Variants in EFCAB13 observed in about 807,000 individuals in gnomAD.
The protein encoded by EFCAB13 is EF-hand calcium binding domain 13.
Under a neutral mutation model 110.2 loss-of-function variants are expected in EFCAB13, and 91 were observed. That is an observed-to-expected ratio of 0.83 (90% CI 0.70 to 0.98). The LOEUF is 0.98. EFCAB13 is among the 50% of genes least tolerant of loss of function. The pLI is 0.00. For missense variants in EFCAB13, 968 were observed against 1,119.4 expected (o/e 0.86, Z 1.93); for synonymous variants, 323 against 369.9 (o/e 0.87, Z 1.45).
At chr17:47,382,821 C>G (rs918500958) in intron 14 of EFCAB13, among the ~76,000 whole-genome samples, 1 of 152,016 alleles carries the variant, frequency 6.6e-6, no homozygotes, top group African/African-American at 2.4e-5. Context: ...GCGGAGTCCC[C>G]CCTTTTCTGT....
At chr17:47,383,243 T>C (rs2065656799) in intron 14 of EFCAB13, among the ~76,000 whole-genome samples, 1 of 152,214 alleles carries the variant, frequency 6.6e-6, no homozygotes, top group Non-Finnish European at 1.5e-5. Context: ...TCCAGATTCA[T>C]TGATTTTTTG....
rs189930308 is a variant in EFCAB13, at chr17:47,396,014, A to G, written c.1945+37A>G. 17 of 1,531,030 alleles carry G rather than the reference A, an allele frequency of 1.1e-5. No individual in the cohort carries two copies. In the Admixed American group the frequency reaches 2.2e-4, roughly 20 times the overall value. 94.8% of individuals were successfully genotyped at this position (1,531,030 alleles called of 1,614,324 possible). On this transcript the variant is annotated intron_variant, in intron 17 of 24. Transcript: ENST00000331493. ...AAATACTAAAATTAAAAAGTATACCAAGATATTACTTTATTTTCTGTCAAC... is the reference window on the plus strand; with the variant it reads ...AAATACTAAAATTAAAAAGTATACCGAGATATTACTTTATTTTCTGTCAAC...
chr17:47,418,836 C>T (rs868213570), intron 23 of EFCAB13, among the ~76,000 whole-genome samples: 1 of 152,038 alleles, frequency 6.6e-6, no homozygotes, highest in Non-Finnish European at 1.5e-5. Flanking sequence ...TTTTGGTACC[C>T]TTAGAGAAAA....
chr17:47,400,818 A>C (rs1420230267), intron 17 of EFCAB13, among the ~76,000 whole-genome samples: 1 of 152,182 alleles, frequency 6.6e-6, no homozygotes, highest in Non-Finnish European at 1.5e-5. Flanking sequence ...CCCGTTGCCT[A>C]CTTTAAGCTG....
chr17:47,344,471 G>A (rs1375406329), intron 7 of EFCAB13, among the ~76,000 whole-genome samples, 179 bp downstream of exon 7: 3 of 152,094 alleles, frequency 2.0e-5, no homozygotes, highest in African/African-American at 4.8e-5. Context: ...ATTTGAGTCC[G>A]ATTGACCTAA....
chr17:47,334,161 G>A (rs1236250659), intron 4 of EFCAB13, among the ~76,000 whole-genome samples: 3 of 151,660 alleles, frequency 2.0e-5, no homozygotes. Context: ...ATTCTAACAG[G>A]TATGTAATGA....
chr17:47,344,437 T>A lies in EFCAB13; in HGVS notation c.434+145T>A, dbSNP rs913473148. 1.7e-5 allele frequency: 18 copies of A among 1,041,544 alleles called. No individual in the cohort carries two copies. In the African/African-American group the frequency reaches 2.8e-4, roughly 16 times the overall value. The allele number at this position is 1,041,544 out of a possible 1,614,324, so 64.5% of individuals were successfully genotyped here. ...TAGGATTGTGTAGAGATAAGAGCACTGTATATGGAATTGGAAGACTTAGAT... is the reference window on the plus strand; with the variant it reads ...TAGGATTGTGTAGAGATAAGAGCACAGTATATGGAATTGGAAGACTTAGAT... On this transcript the variant is annotated intron_variant, in intron 7 of 24. Coordinates refer to ENST00000331493, the MANE Select transcript of EFCAB13 (RefSeq NM_152347.5).
intron 4 of EFCAB13, chr17:47,329,041 A>G (rs918600768): frequency 2.0e-4 from 31 of 152,222 alleles, no homozygotes; most frequent in Admixed American, 1.2e-3. Context: ...AGAACCAGGT[A>G]TGGGGAAATT....
chr17:47,432,545 G>A (rs1009820229), intron 24 of EFCAB13, among the ~76,000 whole-genome samples: 3 of 151,992 alleles, frequency 2.0e-5, no homozygotes, highest in Non-Finnish European at 4.4e-5. Flanking sequence ...AGCTGTATTC[G>A]TACCACTTCA....
At chr17:47,433,626 C>T (rs1905159741) in intron 24 of EFCAB13, among the ~76,000 whole-genome samples, 1 of 152,146 alleles carries the variant, frequency 6.6e-6, no homozygotes, top group Non-Finnish European at 1.5e-5. Flanking sequence ...GCAATTATTA[C>T]TGTGTTGTTC....
rs112788441 is a variant in EFCAB13, at chr17:47,369,163, C to T, written c.806-1274C>T. ...GGAATAGCTTTTGTTTTTGATAGAC[C>T]GACTGTGAACCTACAGGACCTCCTG... On this transcript the variant is annotated intron_variant, in intron 10 of 24. Transcript: ENST00000331493. Among the ~76,000 whole-genome samples the T allele has an allele frequency of 8.6e-3, 1,310 of 152,178 alleles. 13 individuals carry two copies. The highest frequency in any genetic ancestry group is 0.027 in the African/African-American group (1,117 of 41,504).
At chr17:47,395,795 A>G (rs377305472) in intron 16 of EFCAB13, 39 bp from the exon 17 acceptor site, 16 of 1,548,492 alleles carry the variant, frequency 1.0e-5, no homozygotes, top group Admixed American at 1.9e-5. Flanking sequence ...AACTTCTTGC[A>G]TAAGCATTCG....
intron 14 of EFCAB13, among the ~76,000 whole-genome samples, chr17:47,382,762 T>C (rs568833169): frequency 9.8e-5 from 15 of 152,344 alleles, no homozygotes; most frequent in Non-Finnish European, 1.3e-4. Context: ...GTTGTGTTTC[T>C]GCCTGGTTTT....
intron 14 of EFCAB13, among the ~76,000 whole-genome samples, chr17:47,390,707 T>C (rs1353621093): frequency 1.3e-5 from 2 of 152,200 alleles, no homozygotes. Context: ...TTTATCATTT[T>C]GGATTGAAAA....
intron 11 of EFCAB13, among the ~76,000 whole-genome samples, chr17:47,373,403 G>T (rs540287845): frequency 2.0e-5 from 3 of 152,150 alleles, no homozygotes; most frequent in Admixed American, 6.5e-5. Context: ...CAATTAGTTT[G>T]AATTCTGTCA....
At chr17:47,404,070 G>A (rs778604410) in intron 19 of EFCAB13, 49 bp downstream of exon 19, 2 of 1,444,692 alleles carry the variant, frequency 1.4e-6, no homozygotes, top group Admixed American at 4.2e-5. Flanking sequence ...TAGGAGTAAA[G>A]AAGATGTGCA....
chr17:47,415,306 G>A (rs1169197782), intron 23 of EFCAB13, among the ~76,000 whole-genome samples: 2 of 152,046 alleles, frequency 1.3e-5, no homozygotes, highest in Non-Finnish European at 2.9e-5. Flanking sequence ...GTTAATGGGT[G>A]CAGCACACCA....
At position 47,324,481 on chromosome 17, in the gene EFCAB13, C is replaced by T. The variant is rs1222647531; in HGVS notation, c.-290C>T. ...GTCGTTGGCTTCGTAAGAGCAGGGT[C>T]TATGGGAAGCCTCCTCAGCGTGGGT... On this transcript the variant is annotated 5_prime_UTR_variant, in exon 2 of 25. Transcript: ENST00000331493. 6.6e-6 allele frequency: 1 copy of T among 152,096 alleles called. No individual in the cohort carries two copies. Among genetic ancestry groups the T allele is most frequent in the Non-Finnish European group, 1.5e-5 (1 of 68,020 alleles). The allele number at this position is 152,096 out of a possible 1,614,324, so 9.4% of individuals were successfully genotyped here. A position where few individuals can be genotyped will look rare whatever the true frequency, so the allele number is the denominator to read the frequency against.
chr17:47,362,552 A>G (rs1263892650), intron 10 of EFCAB13, among the ~76,000 whole-genome samples: 1 of 152,108 alleles, frequency 6.6e-6, no homozygotes, highest in Non-Finnish European at 1.5e-5. Flanking sequence ...CCTCTTGTGG[A>G]GGGCCTGACG....
Sources: allele counts gnomAD v4.1 joint callset (sites outside exome capture counted in the v4.1 genomes callset), GRCh38; gene constraint gnomAD v4.1.1; transcripts MANE v1.5; gene names NCBI Gene and HGNC (gene_info 2026-07-23, HGNC 2026-07-21).